ALDH1L1: variants seen among roughly 807,000 people sequenced by gnomAD.
ALDH1L1 encodes aldehyde dehydrogenase 1 family member L1.
ALDH1L1 carries 68 observed loss-of-function variants against 101.1 expected under a neutral mutation model. The ratio of observed to expected loss-of-function variants is 0.67; its 90% CI spans 0.55 to 0.82. The LOEUF (loss-of-function observed/expected upper bound fraction) is 0.82, where lower values mean the gene tolerates loss of function less well. Among genes scored for constraint, ALDH1L1 ranks in the 40% least tolerant of loss-of-function variants. The pLI, the probability that ALDH1L1 is intolerant of heterozygous loss-of-function variation, is 0.00. For missense variants in ALDH1L1, 1,087 were observed against 1,172.7 expected (o/e 0.93, Z 1.07); for synonymous variants, 486 against 470.8 (o/e 1.03, Z -0.42).
chr3:126,166,242 A>T (rs1312413455), intron 1 of ALDH1L1, among the ~76,000 whole-genome samples: 1 of 152,090 alleles, frequency 6.6e-6, no homozygotes, highest in Non-Finnish European at 1.5e-5. Context: ...CCAGGGTTAA[A>T]GGCATTGCTC....
chr3:126,104,185 C>G (rs1945778824), intron 22 of ALDH1L1: 1 of 355,358 alleles, frequency 2.8e-6, no homozygotes, highest in Non-Finnish European at 5.2e-6. Flanking sequence ...CCCATCTCTT[C>G]TCTCATGGCT....
intron 15 of ALDH1L1, 70 bp from the exon 16 acceptor site, chr3:126,124,521 C>G (rs971263899): frequency 7.9e-7 from 1 of 1,272,868 alleles, no homozygotes; most frequent in Non-Finnish European, 1.1e-6. Flanking sequence ...CTTCCCTCCC[C>G]GCCTTCCTCT....
At chr3:126,107,081 A>C in intron 21 of ALDH1L1, 60 bp downstream of exon 21, 1 of 1,458,174 alleles carries the variant, frequency 6.9e-7, no homozygotes, top group East Asian at 2.3e-5. Context: ...GCCCACATGA[A>C]GACCCCAGTA....
chr3:126,195,913 G>T (rs543054429), intron 1 of ALDH1L1, among the ~76,000 whole-genome samples: 2 of 152,264 alleles, frequency 1.3e-5, no homozygotes, highest in South Asian at 4.2e-4. Flanking sequence ...ACCGAACAAT[G>T]AGAACACTTG....
intron 4 of ALDH1L1, chr3:126,155,885 A>T (rs2080894564): frequency 6.4e-6 from 1 of 156,124 alleles, no homozygotes; most frequent in Non-Finnish European, 1.4e-5. Context: ...TGAAGGTGGA[A>T]GTTTGGAGGT....
chr3:126,158,506 G>T lies in ALDH1L1; in HGVS notation c.261C>A (p.Ser87Arg), dbSNP rs1476798408. The change falls in exon 3 of 23, where the codon AGC becomes AGA. Residue 87 changes from serine (S) to arginine (R), a missense_variant. Around this residue, in one of 2 missense-constraint regions of ALDH1L1, gnomAD observed 645 missense variants for 637.0 expected, o/e 1.01. Transcript: ENST00000393434. ...TGATTATCTCCATGGGGATGAATTG[G>T]CTGCAGAAGGGCAGGACGTTGAGCT... ...GAELNVLPFC[S>R]QFIPMEIISA... The T allele has an allele frequency of 6.2e-7, 1 of 1,614,190 alleles. No homozygotes were observed. Among genetic ancestry groups the T allele is most frequent in the Non-Finnish European group, 8.5e-7 (1 of 1,180,010 alleles).
chr3:126,189,034 A>G (rs1156443510), intron 1 of ALDH1L1, among the ~76,000 whole-genome samples: 1 of 152,184 alleles, frequency 6.6e-6, no homozygotes, highest in Middle Eastern at 3.2e-3. Context: ...TGCTCAGCTG[A>G]TAAGCCATCT....
At chr3:126,130,959 G>A (rs1264177115) in intron 13 of ALDH1L1, among the ~76,000 whole-genome samples, 1 of 152,242 alleles carries the variant, frequency 6.6e-6, no homozygotes, top group Admixed American at 6.5e-5. Context: ...AGAAAAGCAG[G>A]CAGAAGACAG....
At chr3:126,154,733 G>T in intron 5 of ALDH1L1, 90 bp from the exon 6 acceptor site, 1 of 1,209,156 alleles carries the variant, frequency 8.3e-7, no homozygotes, top group South Asian at 1.3e-5. Context: ...AAGCTCTTGT[G>T]AGACAGCTGG....
intron 1 of ALDH1L1, among the ~76,000 whole-genome samples, chr3:126,176,097 G>A (rs2081360814): frequency 6.6e-6 from 1 of 152,100 alleles, no homozygotes; most frequent in Non-Finnish European, 1.5e-5. Flanking sequence ...ATTTACATTA[G>A]CACCAAAAAG....
intron 1 of ALDH1L1, among the ~76,000 whole-genome samples, chr3:126,170,305 T>A (rs1396941694): frequency 1.3e-5 from 2 of 151,998 alleles, no homozygotes; most frequent in Non-Finnish European, 2.9e-5. Flanking sequence ...GTGGAATATC[T>A]GACAGAGAAT....
At chr3:126,194,462 C>T (rs1320358647) in intron 1 of ALDH1L1, among the ~76,000 whole-genome samples, 2 of 152,156 alleles carry the variant, frequency 1.3e-5, no homozygotes, top group Admixed American at 1.3e-4. Flanking sequence ...GTTTAAAACA[C>T]TTGGTATTAT....
rs2081037996 is a variant in ALDH1L1, at chr3:126,161,022, G to A, written c.-23-20C>T. On this transcript the variant is annotated intron_variant, in intron 1 of 22. Transcript: ENST00000393434. ...AAGGACCTGGAGAAGGAATAAGGCA[G>A]CAATTAGACAGAGATCGCTGGTCTC... The A allele has an allele frequency of 1.2e-6, 2 of 1,612,908 alleles. No individual in the cohort carries two copies. Among genetic ancestry groups the A allele is most frequent in the African/African-American group, 2.7e-5 (2 of 75,048 alleles).
chr3:126,184,734 C>A (rs1453191187), upstream of ALDH1L1, among the ~76,000 whole-genome samples: 1 of 152,172 alleles, frequency 6.6e-6, no homozygotes, highest in Non-Finnish European at 1.5e-5. Context: ...GGTTCTCTTT[C>A]TGTTGTATAA....
In ALDH1L1 at chr3:126,136,635, C is replaced by T. The variant is rs188925826; in HGVS notation, c.1344+129G>A. 2.3e-3 allele frequency: 3,199 copies of T among 1,407,032 alleles called. 17 individuals are homozygous for T. The highest frequency in any genetic ancestry group is 2.1e-3 in the Non-Finnish European group (2,165 of 1,051,818). The allele number at this position is 1,407,032 out of a possible 1,614,324, so 87.2% of individuals were successfully genotyped here. The stretch of plus-strand genomic sequence containing the variant: ...CTGGAAACGACCTGGCATTCTTTCC[C>T]GTCCCTCTCAAAGGCACATGTCCAA... On this transcript the variant is annotated intron_variant, in intron 11 of 22. Coordinates refer to ENST00000393434, the MANE Select transcript of ALDH1L1 (RefSeq NM_012190.4).
chr3:126,137,023 G>A, intron 10 of ALDH1L1, 140 bp from the exon 11 acceptor site: 1 of 1,282,594 alleles, frequency 7.8e-7, no homozygotes, highest in East Asian at 2.5e-5. Context: ...AGCTGAGCAG[G>A]GGAGAGACAA....
At position 126,124,408 on chromosome 3, in the gene ALDH1L1, T is replaced by A; in HGVS notation, c.1844A>T (p.Lys615Met). Residue 615 changes from lysine to methionine, a missense_variant, in exon 16 of 23, where the codon AAG becomes ATG. By Grantham distance (95) the Lys-to-Met change is moderately conservative. Transcript: ENST00000393434. ...AACCACACCTTTGGGAATGCCGGCC[T>A]TTAATGTCAGCTCTGCAAACTTCAA... ...TALKFAELTL[K>M]AGIPKGVVNV... is the part of the protein sequence containing the mutation. The A allele has an allele frequency of 1.2e-6, 2 of 1,612,652 alleles. No homozygotes were observed. Among genetic ancestry groups the A allele is most frequent in the East Asian group, 4.5e-5 (2 of 44,734 alleles).
chr3:126,196,268 A>G (rs936946027), intron 1 of ALDH1L1, among the ~76,000 whole-genome samples: 1 of 152,202 alleles, frequency 6.6e-6, no homozygotes, highest in African/African-American at 2.4e-5. Context: ...ACCGACCTTC[A>G]AAAATTAAGG....
intron 19 of ALDH1L1, 118 bp from the exon 20 acceptor site, chr3:126,110,227 C>T: frequency 7.5e-7 from 1 of 1,327,914 alleles, no homozygotes; most frequent in Non-Finnish European, 1.0e-6. Flanking sequence ...CTGTTCTAGC[C>T]TCAGGGCTTT....
Sources: gnomAD v4.1 joint callset for allele counts (sites outside exome capture counted in the v4.1 genomes callset) on GRCh38, gnomAD v4.1.1 for gene constraint, gnomAD v4.1.1 regional missense constraint, MANE v1.5 for transcripts, NCBI Gene and HGNC (gene_info 2026-07-23, HGNC 2026-07-21) for gene names.